Variants in CTNNA3 observed in about 807,000 individuals in gnomAD.
The protein encoded by CTNNA3 is catenin alpha-3.
In CTNNA3, 76 loss-of-function variants were observed where a neutral mutation model predicts 95.7. That is an observed-to-expected ratio of 0.79 (90% CI 0.66 to 0.96). The LOEUF (loss-of-function observed/expected upper bound fraction) is 0.96, where lower values mean the gene tolerates loss of function less well. Among genes scored for constraint, CTNNA3 ranks in the 40% least tolerant of loss-of-function variants. The pLI is 0.00. For missense variants in CTNNA3, 1,191 were observed against 1,089.8 expected (o/e 1.09, Z -1.31); for synonymous variants, 431 against 374.4 (o/e 1.15, Z -1.74).
Position 66,322,796 on chromosome 10 carries a change from G to T in CTNNA3, c.1733-42175C>A, listed in dbSNP as rs116596253. On this transcript the variant is annotated intron_variant, in intron 12 of 17. Transcript: ENST00000433211. ...TTTGACAAAATATGGTGACTTACTGGAGACCAAAACATTGGTATTTAGTGT... is the reference window on the plus strand; with the variant it reads ...TTTGACAAAATATGGTGACTTACTGTAGACCAAAACATTGGTATTTAGTGT... Among the ~76,000 whole-genome samples, 176 of 152,070 alleles carry T rather than the reference G, an allele frequency of 1.2e-3. 4 individuals carry two copies. The highest frequency in any genetic ancestry group is 4.1e-3 in the African/African-American group (171 of 41,526).
intron 7 of CTNNA3, among the ~76,000 whole-genome samples, chr10:66,900,669 A>G (rs929686860): frequency 6.6e-6 from 1 of 152,176 alleles, no homozygotes; most frequent in African/African-American, 2.4e-5. Context: ...TAAACAGTGT[A>G]GAGAAGACCT....
intron 7 of CTNNA3, among the ~76,000 whole-genome samples, chr10:66,791,844 T>C (rs1169186962): frequency 6.6e-6 from 1 of 152,202 alleles, no homozygotes; most frequent in African/African-American, 2.4e-5. Flanking sequence ...AAAGATACTG[T>C]CTTATCAAAG....
chr10:66,112,716 A>G (rs539038639), intron 13 of CTNNA3, among the ~76,000 whole-genome samples: 1 of 152,236 alleles, frequency 6.6e-6, no homozygotes, highest in Non-Finnish European at 1.5e-5. Context: ...AAGGCAAATC[A>G]TGCAGTATTT....
At position 67,231,017 on chromosome 10, in the gene CTNNA3, G is replaced by A. The variant is rs118064356; in HGVS notation, c.580-11147C>T. Among the ~76,000 whole-genome samples, 1,960 of 152,204 alleles carry A rather than the reference G, an allele frequency of 0.013. 123 individuals carry two copies. The East Asian group carries it at 0.19, about 15-fold the overall frequency. ...GACTGTGTCCCGCACCTGGCTGGGAGGGTCCTACGCCCACCGAGTCTCGCT... is the reference window on the plus strand; with the variant it reads ...GACTGTGTCCCGCACCTGGCTGGGAAGGTCCTACGCCCACCGAGTCTCGCT... On this transcript the variant is annotated intron_variant, in intron 5 of 17. Transcript: ENST00000433211.
Position 66,766,325 on chromosome 10 carries a change from C to T in CTNNA3, c.1220G>A (p.Arg407Gln), listed in dbSNP as rs369880246. The T allele has an allele frequency of 7.4e-6, 12 of 1,613,652 alleles. No homozygotes were observed. The highest frequency in any genetic ancestry group is 5.0e-5 in the Admixed American group (3 of 59,978). Residue 407 changes from arginine (R) to glutamine (Q), a missense_variant, in exon 9 of 18, where the codon CGG becomes CAG. Coordinates refer to ENST00000433211, the MANE Select transcript of CTNNA3 (RefSeq NM_013266.4). ...LVLIEAAKNG[R>Q]EKEIKEYAAI... Reference sequence around the variant, plus strand: ...AGCATATTCTTTTATTTCCTTTTCCCGGCCATTCTTAGCAGCTTCAATGAG... The same window carrying T: ...AGCATATTCTTTTATTTCCTTTTCCTGGCCATTCTTAGCAGCTTCAATGAG...
intron 11 of CTNNA3, among the ~76,000 whole-genome samples, chr10:66,408,882 T>C (rs2093077882): frequency 6.6e-6 from 1 of 152,150 alleles, no homozygotes; most frequent in African/African-American, 2.4e-5. Context: ...TCTTTTTCTA[T>C]ATGAGCAGGC....
chr10:67,559,120 G>C (rs919465446), intron 3 of CTNNA3, among the ~76,000 whole-genome samples: 2 of 152,218 alleles, frequency 1.3e-5, no homozygotes, highest in African/African-American at 4.8e-5. Context: ...CTGTCTGACA[G>C]CTTTGAAGAG....
intron 5 of CTNNA3, among the ~76,000 whole-genome samples, chr10:67,493,221 A>C (rs1457198369): frequency 1.3e-5 from 2 of 151,916 alleles, no homozygotes; most frequent in African/African-American, 2.4e-5. Context: ...GAAAAAAAAA[A>C]AAAAGCTCGC....
In CTNNA3 at chr10:67,674,498, G is replaced by GA. The variant is rs199923516; in HGVS notation, c.-6+21501dup. On this transcript the variant is annotated intron_variant, in intron 1 of 17. Transcript: ENST00000433211. ...ATTCAGAAGTAGAATTTCTGGGTCA[G>GA]AATGTGTGTTCAGTTTCAATAAGTA... Among the ~76,000 whole-genome samples, 499 of 152,210 alleles carry GA rather than the reference G, an allele frequency of 3.3e-3. 11 individuals carry two copies. In the East Asian group the frequency reaches 0.056, roughly 17 times the overall value.
chr10:67,465,797 AC>A (rs1208769028), intron 5 of CTNNA3, among the ~76,000 whole-genome samples: 2 of 152,288 alleles, frequency 1.3e-5, no homozygotes, highest in Admixed American at 1.3e-4. Flanking sequence ...CTGCACATGC[AC>A]AAAAAATTAA....
intron 9 of CTNNA3, among the ~76,000 whole-genome samples, chr10:66,622,696 T>C (rs1416738461): frequency 6.6e-6 from 1 of 152,146 alleles, no homozygotes; most frequent in Non-Finnish European, 1.5e-5. Flanking sequence ...AAAATATCTC[T>C]GTCAGTTGTT....
chr10:66,024,389 C>T (rs938210862), intron 15 of CTNNA3, among the ~76,000 whole-genome samples: 2 of 152,146 alleles, frequency 1.3e-5, no homozygotes, highest in Admixed American at 1.3e-4. Flanking sequence ...ACGCCCGACC[C>T]CATGCAAAAC....
intron 13 of CTNNA3, among the ~76,000 whole-genome samples, chr10:66,196,946 AT>A (rs1274692261): frequency 6.6e-6 from 1 of 152,200 alleles, no homozygotes; most frequent in Non-Finnish European, 1.5e-5. Flanking sequence ...AGGCTCATGA[AT>A]TGAACCTGGT....
At chr10:66,793,047 G>C (rs779325176) in intron 7 of CTNNA3, among the ~76,000 whole-genome samples, 2 of 152,128 alleles carry the variant, frequency 1.3e-5, no homozygotes, top group Non-Finnish European at 2.9e-5. Context: ...GGTAATGATA[G>C]GGCTATGAGA....
At chr10:66,183,480 G>A (rs989399413) in intron 13 of CTNNA3, among the ~76,000 whole-genome samples, 9 of 152,164 alleles carry the variant, frequency 5.9e-5, no homozygotes, top group African/African-American at 1.7e-4. Flanking sequence ...TATGGATACT[G>A]CTGAATATAA....
At chr10:67,112,752 T>A (rs1167653064) in intron 7 of CTNNA3, among the ~76,000 whole-genome samples, 3 of 152,098 alleles carry the variant, frequency 2.0e-5, no homozygotes, top group Non-Finnish European at 2.9e-5. Flanking sequence ...ACTCTGTATA[T>A]GCACTGGACT....
chr10:66,144,107 C>A (rs926768749), intron 13 of CTNNA3, among the ~76,000 whole-genome samples: 1 of 152,130 alleles, frequency 6.6e-6, no homozygotes, highest in African/African-American at 2.4e-5. Context: ...GACTTCACTG[C>A]ATTTTATTGC....
intron 5 of CTNNA3, among the ~76,000 whole-genome samples, chr10:67,335,916 T>C (rs1342479388): frequency 6.6e-6 from 1 of 152,108 alleles, no homozygotes; most frequent in African/African-American, 2.4e-5. Flanking sequence ...ATTGAAGGTT[T>C]GTGGCAAATC....
At chr10:66,632,214 G>T (rs936906224) in intron 9 of CTNNA3, among the ~76,000 whole-genome samples, 1 of 151,978 alleles carries the variant, frequency 6.6e-6, no homozygotes, top group Non-Finnish European at 1.5e-5. Context: ...AAATTTTAAT[G>T]TGCATCTGGA....
Sources: gnomAD v4.1 joint callset for allele counts (sites outside exome capture counted in the v4.1 genomes callset) on GRCh38, gnomAD v4.1.1 for gene constraint, MANE v1.5 for transcripts, NCBI Gene and HGNC (gene_info 2026-07-23, HGNC 2026-07-21) for gene names.